Variants in REEP3 observed in about 807,000 individuals in gnomAD.
The protein encoded by REEP3 is receptor accessory protein 3.
In REEP3, 20 loss-of-function variants were observed where a neutral mutation model predicts 41.3. The ratio of observed to expected loss-of-function variants is 0.48; its 90% CI spans 0.34 to 0.70. The LOEUF is 0.70. REEP3 is among the 30% of genes least tolerant of loss of function. The pLI, the probability that REEP3 is intolerant of heterozygous loss-of-function variation, is 0.01. For missense variants in REEP3, 271 were observed against 308.8 expected (o/e 0.88, Z 0.92); for synonymous variants, 104 against 101.8 (o/e 1.02, Z -0.13).
intron 1 of REEP3, among the ~76,000 whole-genome samples, chr10:63,549,327 G>A (rs141116461): frequency 4.6e-5 from 7 of 152,300 alleles, no homozygotes; most frequent in Non-Finnish European, 8.8e-5. Flanking sequence ...CAACACTTTC[G>A]GAGGCCACGG....
chr10:63,566,176 G>A (rs573201979), intron 1 of REEP3, among the ~76,000 whole-genome samples, 162 bp from the exon 2 acceptor site: 18 of 152,146 alleles, frequency 1.2e-4, no homozygotes, highest in South Asian at 2.1e-4. Context: ...GAGCCACTGC[G>A]CCTGGCTAAA....
chr10:63,537,661 C>T (rs977354747), intron 1 of REEP3, among the ~76,000 whole-genome samples: 7 of 152,030 alleles, frequency 4.6e-5, no homozygotes, highest in Admixed American at 4.6e-4. Flanking sequence ...CAGGTAGCAA[C>T]GGAAAGGAGA....
chr10:63,611,896 C>T (rs1956280069), intron 6 of REEP3, among the ~76,000 whole-genome samples: 1 of 148,728 alleles, frequency 6.7e-6, no homozygotes, highest in Non-Finnish European at 1.5e-5. Context: ...GCCATGATCA[C>T]ACCACTGCAC....
intron 1 of REEP3, among the ~76,000 whole-genome samples, chr10:63,536,626 A>G (rs1249823986): frequency 6.6e-6 from 1 of 152,208 alleles, no homozygotes; most frequent in Non-Finnish European, 1.5e-5. Flanking sequence ...AATAAAGTAT[A>G]ATAATCAGAA....
At chr10:63,540,227 C>T (rs964129498) in intron 1 of REEP3, among the ~76,000 whole-genome samples, 4 of 152,176 alleles carry the variant, frequency 2.6e-5, no homozygotes, top group Admixed American at 2.6e-4. Context: ...ACATTCTCTA[C>T]AGTACCTCAT....
chr10:63,564,202 A>C (rs1387828310), intron 1 of REEP3, among the ~76,000 whole-genome samples: 1 of 152,220 alleles, frequency 6.6e-6, no homozygotes, highest in Non-Finnish European at 1.5e-5. Flanking sequence ...TATCTTTCCA[A>C]CTTTTCTGTA....
At position 63,597,931 on chromosome 10, in the gene REEP3, C is replaced by T. The variant is rs1589882759; in HGVS notation, c.183-93C>T. On this transcript the variant is annotated intron_variant, in intron 3 of 7. Coordinates refer to ENST00000373758, the MANE Select transcript of REEP3 (RefSeq NM_001001330.3). ...TCAAAAAAAAAAAAACAAAAAACAGCATAGTGACTGAACTTTTTAAAAGGT... is the reference window on the plus strand; with the variant it reads ...TCAAAAAAAAAAAAACAAAAAACAGTATAGTGACTGAACTTTTTAAAAGGT... 6 of 1,078,298 alleles carry T rather than the reference C, an allele frequency of 5.6e-6. No individual in the cohort carries two copies. The East Asian group carries it at 1.6e-4, about 28-fold the overall frequency. The allele number at this position is 1,078,298 out of a possible 1,614,324, so 66.8% of individuals were successfully genotyped here. A position where few individuals can be genotyped will look rare whatever the true frequency, so the allele number is the denominator to read the frequency against.
chr10:63,569,481 T>TG (rs1955834006), intron 2 of REEP3, among the ~76,000 whole-genome samples: 1 of 151,510 alleles, frequency 6.6e-6, no homozygotes, highest in South Asian at 2.1e-4. Context: ...AAATCTGCTT[T>TG]TTTTTTTTTA....
At chr10:63,521,831 CG>C in intron 1 of REEP3, 1 of 119,854 alleles carries the variant, frequency 8.3e-6, no homozygotes, top group South Asian at 4.7e-4. Context: ...TGGCGCTGCT[CG>C]GCTGCGTGCG....
At chr10:63,568,328 G>A (rs974313141) in intron 2 of REEP3, among the ~76,000 whole-genome samples, 36 of 150,082 alleles carry the variant, frequency 2.4e-4, no homozygotes, top group African/African-American at 8.1e-4. Context: ...GTGCACTGGC[G>A]CGATCTTGGC....
At chr10:63,596,855 G>A (rs994135006) in intron 3 of REEP3, among the ~76,000 whole-genome samples, 1 of 152,030 alleles carries the variant, frequency 6.6e-6, no homozygotes, top group Non-Finnish European at 1.5e-5. Context: ...ATAGCTCACC[G>A]CACCCTTGAA....
At chr10:63,558,518 G>C (rs1955711018) in intron 1 of REEP3, among the ~76,000 whole-genome samples, 2 of 152,276 alleles carry the variant, frequency 1.3e-5, no homozygotes, top group East Asian at 3.9e-4. Context: ...CAGGCACAGT[G>C]GTTCACACCT....
At chr10:63,619,911 C>A (rs1589891643) in intron 7 of REEP3, 111 bp downstream of exon 7, 5 of 501,814 alleles carry the variant, frequency 1.0e-5, no homozygotes, top group Non-Finnish European at 1.6e-5. Flanking sequence ...GGTAGAACAG[C>A]AGTTTGATTT....
intron 1 of REEP3, among the ~76,000 whole-genome samples, chr10:63,551,672 TC>T (rs1955630124): frequency 6.6e-6 from 1 of 152,114 alleles, no homozygotes; most frequent in African/African-American, 2.4e-5. Flanking sequence ...TAAGTAGCAC[TC>T]CTCAAAACTA....
chr10:63,564,520 G>A (rs1042346319), intron 1 of REEP3, among the ~76,000 whole-genome samples: 5 of 152,036 alleles, frequency 3.3e-5, no homozygotes, highest in African/African-American at 1.2e-4. Context: ...GTACTCAGGA[G>A]GCTGAGGCAT....
chr10:63,562,070 A>G (rs1476002274), intron 1 of REEP3, among the ~76,000 whole-genome samples: 2 of 152,126 alleles, frequency 1.3e-5, no homozygotes, highest in Non-Finnish European at 2.9e-5. Flanking sequence ...TTTACACTCT[A>G]GTTAGTTTTT....
intron 1 of REEP3, among the ~76,000 whole-genome samples, chr10:63,555,816 G>T (rs1414996928): frequency 6.6e-6 from 1 of 152,156 alleles, no homozygotes; most frequent in Admixed American, 6.5e-5. Flanking sequence ...TAGAAATTCA[G>T]ATCCTTGAGC....
At chr10:63,545,665 G>A (rs183493978) in intron 1 of REEP3, among the ~76,000 whole-genome samples, 5 of 143,830 alleles carry the variant, frequency 3.5e-5, no homozygotes, top group Admixed American at 1.5e-4. Context: ...GAGCCACTGC[G>A]CCTGGCCAAC....
At chr10:63,592,689 G>T (rs756711948) in intron 2 of REEP3, among the ~76,000 whole-genome samples, 5 of 150,742 alleles carry the variant, frequency 3.3e-5, no homozygotes, top group Non-Finnish European at 5.9e-5. Flanking sequence ...TCAGGAGTTC[G>T]AGACCAGTCT....
Sources: allele counts gnomAD v4.1 joint callset (sites outside exome capture counted in the v4.1 genomes callset), GRCh38; gene constraint gnomAD v4.1.1; transcripts MANE v1.5; gene names NCBI Gene and HGNC (gene_info 2026-07-23, HGNC 2026-07-21).